The following MTO1 variants were observed in gnomAD, a reference collection of about 807,000 sequenced individuals.
The protein encoded by MTO1 is 5-taurinomethyluridine-[tRNA] synthase subunit MTO1, mitochondrial.
In MTO1, 46 loss-of-function variants were observed where a neutral mutation model predicts 71.6. The observed-to-expected ratio is 0.64, with a 90% CI of 0.51 to 0.82. The LOEUF (loss-of-function observed/expected upper bound fraction) is 0.82. MTO1 is among the 40% of genes least tolerant of loss of function. The pLI, the probability that MTO1 is intolerant of heterozygous loss-of-function variation, is 0.00. For missense variants in MTO1, 773 were observed against 867.5 expected, an observed-to-expected ratio of 0.89 and a Z score of 1.37; for synonymous variants, 297 against 312.1, an observed-to-expected ratio of 0.95 and a Z score of 0.51.
At chr6:73,488,007 T>C (rs762213796) in intron 9 of MTO1, 7 of 152,224 alleles carry the variant, frequency 4.6e-5, no homozygotes, top group Non-Finnish European at 8.8e-5. Context: ...CTTCTGTTTT[T>C]TGATAGTAGC....
intron 11 of MTO1, among the ~76,000 whole-genome samples, chr6:73,498,188 G>T (rs907050554): frequency 6.6e-6 from 1 of 151,786 alleles, no homozygotes; most frequent in African/African-American, 2.4e-5. Flanking sequence ...TCCAGCCTGG[G>T]CAACAGAGTG....
chr6:73,464,156 T>C (rs1050875964), intron 1 of MTO1: 8 of 152,104 alleles, frequency 5.3e-5, no homozygotes, highest in Non-Finnish European at 2.9e-5. Context: ...ATGCACAAAT[T>C]TGTGAAGTGT....
At chr6:73,490,816 A>G (rs1209585218) in intron 9 of MTO1, among the ~76,000 whole-genome samples, 1 of 152,066 alleles carries the variant, frequency 6.6e-6, no homozygotes, top group Non-Finnish European at 1.5e-5. Context: ...ACAGAGCAAC[A>G]AGTGACCTAG....
rs558715877 is a variant in MTO1, at chr6:73,473,522, G to T, written c.693G>T (p.Val231=). ...LAQTLEKLGF[V]VGRLKTGTPP... Reference sequence around the variant, plus strand: ...AGACACTGGAGAAGTTAGGGTTTGTGGTGGGAAGGTTGAAGACTGGGACTC... The same window carrying T: ...AGACACTGGAGAAGTTAGGGTTTGTTGTGGGAAGGTTGAAGACTGGGACTC... The change falls in exon 4 of 12, where the codon GTG becomes GTT. Residue 231 remains valine (V), a synonymous_variant. Coordinates refer to ENST00000498286, the MANE Select transcript of MTO1 (RefSeq NM_012123.4). The T allele has an allele frequency of 2.9e-5, 46 of 1,614,016 alleles. No homozygotes were observed. The highest frequency in any genetic ancestry group is 3.7e-5 in the Non-Finnish European group (44 of 1,180,024).
intron 3 of MTO1, among the ~76,000 whole-genome samples, chr6:73,468,897 C>T (rs1022279237): frequency 6.6e-6 from 1 of 152,030 alleles, no homozygotes; most frequent in African/African-American, 2.4e-5. Context: ...GGTGAGCCAC[C>T]ACACCTGGCC....
Position 73,506,153 on chromosome 6 carries a change from T to A in MTO1, c.*5418T>A, listed in dbSNP as rs1016363358. 1 of 152,020 alleles carries A rather than the reference T, an allele frequency of 6.6e-6. No individual in the cohort carries two copies. Among genetic ancestry groups the A allele is most frequent in the African/African-American group, 2.4e-5 (1 of 41,358 alleles). 9.4% of individuals were successfully genotyped at this position (152,020 alleles called of 1,614,324 possible). ...GCCACCATGCTCAGCTAATTTTTTC[T>A]ATTTTTAGTGGAGACAGGGTTTCAC... is the stretch of plus-strand genomic sequence containing the variant. On this transcript the variant is annotated 3_prime_UTR_variant, in exon 12 of 12. Coordinates refer to ENST00000498286, the MANE Select transcript of MTO1 (RefSeq NM_012123.4).
intron 9 of MTO1, among the ~76,000 whole-genome samples, chr6:73,491,268 A>G (rs1471568111): frequency 5.0e-3 from 9 of 1,784 alleles, no homozygotes; most frequent in Non-Finnish European, 0.018. Flanking sequence ...CAAATTAGGA[A>G]AAAAAAAAAA....
rs1305662289 is a variant in MTO1 at position 73,504,136 on chromosome 6, A to G, written c.*3401A>G. ...TATTACACTTACTTCGTTCTACCTT[A>G]ATGTTTTTATTTAGAGACAAGATCT... is the stretch of plus-strand genomic sequence containing the variant. On this transcript the variant is annotated 3_prime_UTR_variant, in exon 12 of 12. Coordinates refer to ENST00000498286, the MANE Select transcript of MTO1 (RefSeq NM_012123.4). 1 of 152,068 alleles carries G rather than the reference A, an allele frequency of 6.6e-6. No individual in the cohort carries two copies. The highest frequency in any genetic ancestry group is 1.5e-5 in the Non-Finnish European group (1 of 68,028). The allele number at this position is 152,068 out of a possible 1,614,324, so 9.4% of individuals were successfully genotyped here. A position where few individuals can be genotyped will look rare whatever the true frequency, so the allele number is the denominator to read the frequency against.
At position 73,472,652 on chromosome 6, in the gene MTO1, C is replaced by T. The variant is rs1026124290; in HGVS notation, c.536-713C>T. On this transcript the variant is annotated intron_variant, in intron 3 of 11. Transcript: ENST00000498286. ...AGCAATCTAGTGAGCAGTATGGTAA[C>T]TGCAGTTAATAATAATGTATGATAT... Among the ~76,000 whole-genome samples, 4 of 152,200 alleles carry T rather than the reference C, an allele frequency of 2.6e-5. No homozygotes were observed. The East Asian group carries it at 7.7e-4, about 29-fold the overall frequency.
chr6:73,481,090 A>G, intron 7 of MTO1: 1 of 386,400 alleles, frequency 2.6e-6, no homozygotes, highest in Non-Finnish European at 4.8e-6. Flanking sequence ...AGTAGCTGGG[A>G]CTGCAGGCAT....
intron 4 of MTO1, 91 bp from the exon 5 acceptor site, chr6:73,479,641 A>T: frequency 1.0e-6 from 1 of 989,690 alleles, no homozygotes; most frequent in Non-Finnish European, 1.5e-6. Context: ...AGTGTCTATT[A>T]AAGTCAGTAC....
At chr6:73,496,731 T>C (rs1269245425) in intron 10 of MTO1, among the ~76,000 whole-genome samples, 1 of 150,486 alleles carries the variant, frequency 6.6e-6, no homozygotes, top group Non-Finnish European at 1.5e-5. Context: ...ACATGCAGTG[T>C]TTGGTTCAAA....
intron 10 of MTO1, among the ~76,000 whole-genome samples, chr6:73,497,170 T>TTTTTTTTTTTG (rs398001974): frequency 2.9e-5 from 4 of 140,324 alleles, no homozygotes; most frequent in Non-Finnish European, 1.6e-5. Context: ...TTTTTTTTTT[T>TTTTTTTTTTTG]GAGACAGAGT....
chr6:73,482,819 T>C (rs1771547664), intron 9 of MTO1, among the ~76,000 whole-genome samples, 199 bp downstream of exon 9: 1 of 116,886 alleles, frequency 8.6e-6, no homozygotes, highest in African/African-American at 3.2e-5. Context: ...TTTGAGACAG[T>C]CTCGCTCTTT....
chr6:73,492,966 A>G (rs1475529162), intron 10 of MTO1, among the ~76,000 whole-genome samples: 1 of 42,866 alleles, frequency 2.3e-5, no homozygotes, highest in Non-Finnish European at 4.4e-5. Flanking sequence ...TATATATAAT[A>G]TATGTGTGTG....
At chr6:73,478,929 TCCA>T (rs1436503506) in intron 4 of MTO1, among the ~76,000 whole-genome samples, 1 of 143,608 alleles carries the variant, frequency 7.0e-6, no homozygotes, top group East Asian at 2.2e-4. Flanking sequence ...CGCCCTGTCA[TCCA>T]GGCTGGAGTG....
intron 7 of MTO1, among the ~76,000 whole-genome samples, 191 bp from the exon 8 acceptor site, chr6:73,481,849 G>GAGATAT (rs1771502887): frequency 1.3e-5 from 2 of 152,066 alleles, no homozygotes; most frequent in African/African-American, 2.4e-5. Flanking sequence ...ATGAATCATA[G>GAGATAT]CCTTCTAAAG....
At chr6:73,470,302 G>A (rs547162915) in intron 3 of MTO1, among the ~76,000 whole-genome samples, 22 of 152,102 alleles carry the variant, frequency 1.4e-4, no homozygotes, top group African/African-American at 4.6e-4. Flanking sequence ...TGCCCCCCAG[G>A]TTCAAGCGAT....
intron 10 of MTO1, among the ~76,000 whole-genome samples, chr6:73,492,968 A>ATGAGTGTG (rs1554150369): frequency 2.9e-5 from 2 of 67,850 alleles, no homozygotes; most frequent in African/African-American, 1.1e-4. Flanking sequence ...TATATAATAT[A>ATGAGTGTG]TGTGTGTGTG....
Sources: allele counts gnomAD v4.1 joint callset (sites outside exome capture counted in the v4.1 genomes callset), GRCh38; gene constraint gnomAD v4.1.1; transcripts MANE v1.5; gene names NCBI Gene and HGNC (gene_info 2026-07-23, HGNC 2026-07-21).